The following ACAN variants were observed in gnomAD, a reference collection of about 807,000 sequenced individuals.
The protein encoded by ACAN is aggrecan core protein.
Under a neutral mutation model 169.1 loss-of-function variants are expected in ACAN, and 47 were observed. That is an observed-to-expected ratio of 0.28 (90% confidence interval 0.22 to 0.35). The LOEUF is 0.35. Ranked by LOEUF, ACAN falls within the 10% of genes least tolerant of loss-of-function variation. ACAN has a pLI of 1.00. For synonymous variants in ACAN, 1,115 were observed against 1,112.2 expected (o/e 1.00, Z -0.05); for missense variants, 2,716 against 2,759.9 (o/e 0.98, Z 0.36).
Position 88,807,598 on chromosome 15 carries a change from G to T in ACAN, c.-8+3789G>T, listed in dbSNP as rs924413866. 3.5e-4 allele frequency among the ~76,000 whole-genome samples: 54 copies of T among 152,342 alleles called. No individual in the cohort carries two copies. The highest frequency in any genetic ancestry group is 1.1e-3 in the African/African-American group (47 of 41,572). ...GAACAAGGGGAGGGCTGGAGAAGGA[G>T]CGGGAGTGCAGGCGAGAGGAGGACC... On this transcript the variant is annotated intron_variant, in intron 1 of 18. Coordinates refer to ENST00000560601, the MANE Select transcript of ACAN (RefSeq NM_001369268.1). The surrounding 1 kb of genome is among the most constrained non-coding windows in gnomAD (Gnocchi z 4.0).
intron 5 of ACAN, among the ~76,000 whole-genome samples, chr15:88,842,910 G>A (rs1308156400): frequency 6.6e-6 from 1 of 152,158 alleles, no homozygotes; most frequent in East Asian, 1.9e-4. Context: ...AGAGACCCCA[G>A]TTTGGGAACC....
At position 88,851,700 on chromosome 15, in the gene ACAN, C is replaced by A; in HGVS notation, c.2027-94C>A. 6.9e-7 allele frequency: 1 copy of A among 1,446,896 alleles called. No homozygotes were observed. Among genetic ancestry groups the A allele is most frequent in the South Asian group, 1.5e-5 (1 of 67,234 alleles). The allele number at this position is 1,446,896 out of a possible 1,614,324, so 89.6% of individuals were successfully genotyped here. A position where few individuals can be genotyped will look rare whatever the true frequency, so the allele number is the denominator to read the frequency against. ...TGAACTAGGAGGTGGGGCCTGGCCA[C>A]CTCAGAGTCCCCTAGCTCCCCTCAA... On this transcript the variant is annotated intron_variant, in intron 10 of 18. Transcript: ENST00000560601. The surrounding 1 kb of genome is among the most constrained non-coding windows in gnomAD (Gnocchi z 4.3).
rs1489699502 is a variant in ACAN, at chr15:88,868,231, T to G, written c.6962T>G (p.Leu2321Arg). The G allele has an allele frequency of 1.4e-6, 1 of 702,720 alleles. No homozygotes were observed. The highest frequency in any genetic ancestry group is 1.7e-5 in the African/African-American group (1 of 57,374). 43.5% of individuals were successfully genotyped at this position (702,720 alleles called of 1,614,324 possible). Reference sequence around the variant, plus strand: ...TTTCTTGCAGACATTGATGAGTGCCTCTCAAGCCCTTGTCTGAATGGAGCC... The same window carrying G: ...TTTCTTGCAGACATTGATGAGTGCCGCTCAAGCCCTTGTCTGAATGGAGCC... ...EHCNIDIDEC[L>R]SSPCLNGATC... The change falls in exon 14 of 19, where the codon CTC becomes CGC. Residue 2321 changes from leucine (L) to arginine (R), a missense_variant. By Grantham distance (102) the Leu-to-Arg change is moderately radical (BLOSUM62 -2). Coordinates refer to ENST00000560601, the MANE Select transcript of ACAN (RefSeq NM_001369268.1). This position sits in a 1 kb window ranked among gnomAD's most constrained non-coding sequence, Gnocchi z 5.2.
intron 1 of ACAN, among the ~76,000 whole-genome samples, chr15:88,810,303 C>A (rs1292584876): frequency 1.3e-5 from 2 of 152,132 alleles, no homozygotes; most frequent in Non-Finnish European, 2.9e-5. Flanking sequence ...CCTTGGGACA[C>A]CTTCTGGCTC....
At chr15:88,806,155 G>A (rs1404295755) in intron 1 of ACAN, among the ~76,000 whole-genome samples, 3 of 152,182 alleles carry the variant, frequency 2.0e-5, no homozygotes, top group Non-Finnish European at 2.9e-5. Context: ...AAAATCCTCC[G>A]ATAAGAGATT....
rs1157033153 is a variant in ACAN, at chr15:88,857,749, T to A, written c.5164T>A (p.Ser1722Thr). 1 of 1,613,854 alleles carries A rather than the reference T, an allele frequency of 6.2e-7. No homozygotes were observed. Among genetic ancestry groups the A allele is most frequent in the South Asian group, 1.1e-5 (1 of 91,084 alleles). Residue 1722 changes from serine (S) to threonine (T), a missense_variant, in exon 12 of 19, where the codon TCT becomes ACT. Coordinates refer to ENST00000560601, the MANE Select transcript of ACAN (RefSeq NM_001369268.1). ...GTELSGQASG[S>T]PDVSGEIPGL... ...TGAACTCAGTGGCCAAGCATCTGGG[T>A]CTCCTGATGTCAGTGGGGAAATACC...
intron 1 of ACAN, among the ~76,000 whole-genome samples, chr15:88,805,945 T>A (rs79991652): frequency 6.6e-6 from 1 of 152,244 alleles, no homozygotes; most frequent in East Asian, 1.9e-4. Flanking sequence ...CCTCCTCTTA[T>A]GCCCCCTCCC....
At position 88,873,578 on chromosome 15, in the gene ACAN, C is replaced by T; in HGVS notation, c.7448-264C>T. 5.8e-6 allele frequency: 3 copies of T among 518,092 alleles called. No individual in the cohort carries two copies. The South Asian group carries it at 7.8e-5, about 13-fold the overall frequency. 32.1% of individuals were successfully genotyped at this position (518,092 alleles called of 1,614,324 possible). ...AGCCTGAGTCTGCCTGGCTCTCGCC[C>T]TCCACACCTTTCTACCTCCCTTTCA... On this transcript the variant is annotated intron_variant, in intron 17 of 18. Coordinates refer to ENST00000560601, the MANE Select transcript of ACAN (RefSeq NM_001369268.1). This position sits in a 1 kb window ranked among gnomAD's most constrained non-coding sequence, Gnocchi z 7.5.
In ACAN at chr15:88,872,665, T is replaced by A. The variant is rs1257567387; in HGVS notation, c.7303-216T>A. On this transcript the variant is annotated intron_variant, in intron 16 of 18. Transcript: ENST00000560601. This position sits in a 1 kb window ranked among gnomAD's most constrained non-coding sequence, Gnocchi z 5.4. Reference sequence around the variant, plus strand: ...CTCCTGAGAAGGACCTGAGCCAAGCTGTGTGACTGATTCCCTAGAGGGCCA... The same window carrying A: ...CTCCTGAGAAGGACCTGAGCCAAGCAGTGTGACTGATTCCCTAGAGGGCCA... 2.6e-5 allele frequency among the ~76,000 whole-genome samples: 4 copies of A among 152,156 alleles called. No individual in the cohort carries two copies. Among genetic ancestry groups the A allele is most frequent in the African/African-American group, 9.7e-5 (4 of 41,426 alleles).
Position 88,839,739 on chromosome 15 carries a change from A to T in ACAN, c.455-273A>T, listed in dbSNP as rs1222622910. Among the ~76,000 whole-genome samples the T allele has an allele frequency of 1.3e-5, 2 of 152,160 alleles. No homozygotes were observed. Among genetic ancestry groups the T allele is most frequent in the Non-Finnish European group, 1.5e-5 (1 of 68,026 alleles). ...ATAAGAAAAAATTATAAGGAGGCAG[A>T]TTTTAGTTTAATTCAAAGAACTTTC... is the stretch of plus-strand genomic sequence containing the variant. On this transcript the variant is annotated intron_variant, in intron 3 of 18. Transcript: ENST00000560601. The surrounding 1 kb of genome is among the most constrained non-coding windows in gnomAD (Gnocchi z 4.5).
intron 13 of ACAN, among the ~76,000 whole-genome samples, chr15:88,864,008 C>CA (rs531338541): frequency 3.3e-5 from 5 of 152,074 alleles, no homozygotes; most frequent in Admixed American, 2.6e-4. Context: ...CCCACTGCTA[C>CA]AAAAAATATA....
At chr15:88,826,969 G>T (rs1330900023) in intron 1 of ACAN, among the ~76,000 whole-genome samples, 1 of 152,096 alleles carries the variant, frequency 6.6e-6, no homozygotes, top group Non-Finnish European at 1.5e-5. Flanking sequence ...TGTGACTTTG[G>T]GCACGTTGTC....
At chr15:88,804,838 A>C (rs1204158789) in intron 1 of ACAN, among the ~76,000 whole-genome samples, 2 of 152,132 alleles carry the variant, frequency 1.3e-5, no homozygotes, top group East Asian at 3.9e-4. Context: ...TGATGTGTAA[A>C]TTCTGGTTCT....
At chr15:88,830,887 C>T (rs536135402) in intron 1 of ACAN, among the ~76,000 whole-genome samples, 23 of 152,266 alleles carry the variant, frequency 1.5e-4, no homozygotes, top group Admixed American at 1.4e-3. Flanking sequence ...TGCAGCATCA[C>T]CAGGTGATCA....
At chr15:88,831,818 G>T (rs112145766) in intron 1 of ACAN, among the ~76,000 whole-genome samples, 1 of 152,192 alleles carries the variant, frequency 6.6e-6, no homozygotes, top group African/African-American at 2.4e-5. Context: ...GCTCCAGGGG[G>T]TAAAGAGAGG....
At chr15:88,818,480 A>G (rs556413928) in intron 1 of ACAN, among the ~76,000 whole-genome samples, 20 of 152,324 alleles carry the variant, frequency 1.3e-4, no homozygotes, top group African/African-American at 4.6e-4. Flanking sequence ...CAAATTTGCC[A>G]TTCCCAGAGT....
intron 6 of ACAN, among the ~76,000 whole-genome samples, chr15:88,844,223 C>T (rs563994446): frequency 1.3e-5 from 2 of 151,860 alleles, no homozygotes; most frequent in African/African-American, 4.8e-5. Flanking sequence ...CAGCCTTAGC[C>T]TCCTGGGCTC....
In ACAN at chr15:88,869,940, C is replaced by A. The variant is rs1186564002; in HGVS notation, c.7061-1442C>A. Among the ~76,000 whole-genome samples the A allele has an allele frequency of 6.6e-6, 1 of 152,158 alleles. No individual in the cohort carries two copies. The highest frequency in any genetic ancestry group is 1.9e-4 in the East Asian group (1 of 5,192). On this transcript the variant is annotated intron_variant, in intron 14 of 18. Transcript: ENST00000560601. The surrounding 1 kb of genome is among the most constrained non-coding windows in gnomAD (Gnocchi z 4.2). ...AGAGAAGTTGCACCCTCCAGCTCTG[C>A]CTGCCCAGCTCAGCCCTTAGCCACT... is the stretch of plus-strand genomic sequence containing the variant.
chr15:88,842,219 G>A (rs1159423817), intron 5 of ACAN, among the ~76,000 whole-genome samples: 1 of 152,106 alleles, frequency 6.6e-6, no homozygotes, highest in Admixed American at 6.5e-5. Context: ...TGCTGTCAAA[G>A]TCCAGCCCAG....
Sources: gnomAD v4.1 joint callset for allele counts (sites outside exome capture counted in the v4.1 genomes callset) on GRCh38, gnomAD v4.1.1 for gene constraint, Gnocchi (gnomAD v3.1) non-coding constraint, MANE v1.5 for transcripts, NCBI Gene and HGNC (gene_info 2026-07-23, HGNC 2026-07-21) for gene names.